The following LRRD1 variants were observed in gnomAD, a reference collection of about 807,000 sequenced individuals.
LRRD1 encodes leucine rich repeats and death domain containing 1.
In LRRD1, 49 loss-of-function variants were observed where a neutral mutation model predicts 69.5. That is an observed-to-expected ratio of 0.70 (90% CI 0.56 to 0.89). The LOEUF is 0.89. LRRD1 is among the 40% of genes least tolerant of loss of function. LRRD1 has a pLI of 0.00. For missense variants in LRRD1, 853 were observed against 956.0 expected (o/e 0.89, Z 1.42); for synonymous variants, 303 against 338.9 (o/e 0.89, Z 1.16).
chr7:92,169,267 A>G (rs537441345), intron 1 of LRRD1, among the ~76,000 whole-genome samples: 1 of 152,316 alleles, frequency 6.6e-6, no homozygotes, highest in East Asian at 1.9e-4. Context: ...ACAAAAAAAC[A>G]GTGATCTCAA....
At chr7:92,146,971 C>A (rs1475024291) in intron 4 of LRRD1, among the ~76,000 whole-genome samples, 1 of 150,804 alleles carries the variant, frequency 6.6e-6, no homozygotes, top group Admixed American at 6.6e-5. Flanking sequence ...AAATTATGAA[C>A]TGAAATTTGA....
chr7:92,167,046 C>T (rs1444918109), intron 1 of LRRD1, among the ~76,000 whole-genome samples: 1 of 150,852 alleles, frequency 6.6e-6, no homozygotes, highest in Non-Finnish European at 1.5e-5. Flanking sequence ...TAAATAAGAA[C>T]ATTGAGTAAT....
At chr7:92,174,491 ATATATATATATATATATATTTTTTTT>A (rs1333439875) in intron 1 of LRRD1, among the ~76,000 whole-genome samples, 9 of 15,562 alleles carry the variant, frequency 5.8e-4, no homozygotes, top group African/African-American at 2.5e-3. Context: ...ATATATATAT[ATATATATATATATATATATTTTTTTT>A]TTTTTTTTTT....
intron 1 of LRRD1, among the ~76,000 whole-genome samples, chr7:92,166,938 A>G (rs1014556275): frequency 6.6e-6 from 1 of 152,204 alleles, no homozygotes; most frequent in Non-Finnish European, 1.5e-5. Flanking sequence ...AGGCAAAAAG[A>G]AAAGGTATAT....
In LRRD1 at chr7:92,146,122, A is replaced by C. The variant is rs1469591209; in HGVS notation, c.2357T>G (p.Leu786Arg). The change falls in exon 5 of 6, where the codon CTA (leucine) becomes CGA (arginine). Residue 786 changes from leucine to arginine, a missense_variant. Leu to Arg is a moderately radical substitution (Grantham distance 102). Coordinates refer to ENST00000458448, the MANE Select transcript of LRRD1 (RefSeq NM_001161528.2). ...ATCAGTTTCTGAGTTTGCCAGGTTT[A>C]GTTTTTGACATAAAAATTCAAAATT... Reference protein sequence around the residue: ...ETNFEFLCQKLNLANSETDMP... With the variant: ...ETNFEFLCQKRNLANSETDMP... 1.9e-6 allele frequency: 3 copies of C among 1,542,178 alleles called. No homozygotes were observed. The highest frequency in any genetic ancestry group is 2.6e-6 in the Non-Finnish European group (3 of 1,143,708).
At chr7:92,153,150 T>C (rs1236810562) in intron 3 of LRRD1, among the ~76,000 whole-genome samples, 1 of 152,140 alleles carries the variant, frequency 6.6e-6, no homozygotes, top group East Asian at 1.9e-4. Flanking sequence ...CCTCAGCCTC[T>C]GCCTCCAGGG....
rs1232003286 is a variant in LRRD1, at chr7:92,163,762, A to G, written c.1441T>C (p.Leu481=). Residue 481 remains leucine, a synonymous_variant, in exon 2 of 6, where the codon TTG becomes CTG. Transcript: ENST00000458448. ...AGAGAATCTAAAGCACACAGTCCCA[A>G]TGGAAAATACATTATTTTGTTATAA... is the stretch of plus-strand genomic sequence containing the variant. The part of the protein sequence containing the change: ...LSYNKIMYFP[L]GLCALDSLYY... The G allele has an allele frequency of 8.6e-6, 13 of 1,509,474 alleles. No individual in the cohort carries two copies. Among genetic ancestry groups the G allele is most frequent in the Admixed American group, 2.6e-5 (1 of 38,984 alleles). The allele number at this position is 1,509,474 out of a possible 1,614,324, so 93.5% of individuals were successfully genotyped here.
intron 1 of LRRD1, among the ~76,000 whole-genome samples, chr7:92,173,006 A>T (rs1034832414): frequency 6.6e-6 from 1 of 152,190 alleles, no homozygotes; most frequent in African/African-American, 2.4e-5. Context: ...CACATAGACC[A>T]ATGGAATAGA....
At chr7:92,146,325 A>G (rs765839487) in intron 4 of LRRD1, 125 bp from the exon 5 acceptor site, 29 of 567,508 alleles carry the variant, frequency 5.1e-5, no homozygotes, top group Non-Finnish European at 8.6e-5. Context: ...AAAACTGAAA[A>G]TGACAATGCT....
At chr7:92,153,357 G>A (rs535497347) in intron 3 of LRRD1, among the ~76,000 whole-genome samples, 10 of 152,020 alleles carry the variant, frequency 6.6e-5, no homozygotes, top group Admixed American at 2.6e-4. Context: ...GAGCCACCAC[G>A]CCCGGCCTCT....
Position 92,145,032 on chromosome 7 carries a change from T to C in LRRD1, c.2439A>G (p.Ile813Met). Residue 813 changes from isoleucine to methionine, a missense_variant, in exon 6 of 6, where the codon ATA becomes ATG. Physicochemically the swap from Ile to Met is conservative, Grantham distance 10 (BLOSUM62 1). Transcript: ENST00000458448. Reference sequence around the variant, plus strand: ...ATAACTTGTTACTTTGTGTTTTCCATATAACAAGTGCTTGGTGGGCTCTCT... The same window carrying C: ...ATAACTTGTTACTTTGTGTTTTCCACATAACAAGTGCTTGGTGGGCTCTCT... The part of the protein sequence containing the change: ...LSERAHQALV[I>M]WKTQSNKLSL... 1 of 1,524,368 alleles carries C rather than the reference T, an allele frequency of 6.6e-7. No homozygotes were observed. The highest frequency in any genetic ancestry group is 8.8e-7 in the Non-Finnish European group (1 of 1,130,876). 94.4% of individuals were successfully genotyped at this position (1,524,368 alleles called of 1,614,324 possible).
At position 92,145,029 on chromosome 7, in the gene LRRD1, C is replaced by T. The variant is rs942226364; in HGVS notation, c.2442G>A (p.Trp814Ter). ...GTGATAACTTGTTACTTTGTGTTTTCCATATAACAAGTGCTTGGTGGGCTC... is the reference window on the plus strand; with the variant it reads ...GTGATAACTTGTTACTTTGTGTTTTTCATATAACAAGTGCTTGGTGGGCTC... ...SERAHQALVI[W>*]KTQSNKLSLT... The change falls in exon 6 of 6, where the codon TGG becomes TGA. Residue 814 changes from tryptophan to a stop codon, truncating the protein, a stop_gained. Coordinates refer to ENST00000458448, the MANE Select transcript of LRRD1 (RefSeq NM_001161528.2). LOFTEE classifies it high-confidence loss of function. 5.9e-6 allele frequency: 9 copies of T among 1,525,298 alleles called. No individual in the cohort carries two copies. The highest frequency in any genetic ancestry group is 8.0e-6 in the Non-Finnish European group (9 of 1,131,438). 94.5% of individuals were successfully genotyped at this position (1,525,298 alleles called of 1,614,324 possible).
chr7:92,163,158 A>T (rs1788824177), intron 2 of LRRD1, 128 bp downstream of exon 2: 1 of 546,748 alleles, frequency 1.8e-6, no homozygotes, highest in Non-Finnish European at 2.9e-6. Context: ...GAGGGCTTTC[A>T]TTTAAAAAAC....
intron 1 of LRRD1, among the ~76,000 whole-genome samples, chr7:92,174,738 A>G (rs1789156201): frequency 6.6e-6 from 1 of 151,184 alleles, no homozygotes; most frequent in African/African-American, 2.4e-5. Context: ...AATATTTAAT[A>G]AAACTTTAAG....
At chr7:92,162,036 T>C (rs1245100136) in intron 2 of LRRD1, among the ~76,000 whole-genome samples, 1 of 152,042 alleles carries the variant, frequency 6.6e-6, no homozygotes, top group Non-Finnish European at 1.5e-5. Flanking sequence ...ATGAATGAGA[T>C]GGTTATGAAT....
chr7:92,165,686 C>A (rs1278703497), intron 1 of LRRD1, among the ~76,000 whole-genome samples: 1 of 151,938 alleles, frequency 6.6e-6, no homozygotes, highest in Non-Finnish European at 1.5e-5. Context: ...CATGGCAAAA[C>A]CCTGTCTCTA....
At chr7:92,142,349 G>C (rs1218115959), downstream of LRRD1, 1 of 420,942 alleles carries the variant, frequency 2.4e-6, no homozygotes, top group East Asian at 7.1e-5. Context: ...AGAAGTATGG[G>C]GATTGAGGAT....
intron 1 of LRRD1, among the ~76,000 whole-genome samples, chr7:92,175,147 T>G (rs1198772577): frequency 1.3e-5 from 2 of 152,266 alleles, no homozygotes; most frequent in East Asian, 3.9e-4. Context: ...TCTCAAAATA[T>G]GTAGTTTATG....
At chr7:92,150,074 A>C in intron 4 of LRRD1, 1 of 279,446 alleles carries the variant, frequency 3.6e-6, no homozygotes, top group Non-Finnish European at 7.5e-6. Flanking sequence ...ATCAAAACAA[A>C]CTCCTAAACT....
Sources: gnomAD v4.1 joint callset for allele counts (sites outside exome capture counted in the v4.1 genomes callset) on GRCh38, gnomAD v4.1.1 for gene constraint, MANE v1.5 for transcripts, NCBI Gene and HGNC (gene_info 2026-07-23, HGNC 2026-07-21) for gene names.